Variants in XKR9 observed in about 807,000 individuals in gnomAD.
The protein encoded by XKR9 is XK related 9, also known as XK-related protein 9.
In XKR9, 32 loss-of-function variants were observed where a neutral mutation model predicts 32.0. That is an observed-to-expected ratio of 1.00 (90% CI 0.76 to 1.34). The LOEUF (loss-of-function observed/expected upper bound fraction) is 1.34, where lower values mean the gene tolerates loss of function less well. Among genes scored for constraint, XKR9 ranks in the 40% most tolerant of loss-of-function variants. XKR9 has a pLI of 0.00. For missense variants in XKR9, 546 were observed against 429.7 expected, an observed-to-expected ratio of 1.27 and a Z score of -2.39; for synonymous variants, 168 against 143.4, an observed-to-expected ratio of 1.17 and a Z score of -1.22.
At chr8:70,700,995 G>T (rs1349899847) in intron 3 of XKR9, among the ~76,000 whole-genome samples, 2 of 152,224 alleles carry the variant, frequency 1.3e-5, no homozygotes, top group African/African-American at 2.4e-5. Context: ...CGAGCCAGGT[G>T]TGGGATATAA....
At chr8:70,730,987 C>A (rs1348082365) in intron 4 of XKR9, among the ~76,000 whole-genome samples, 1 of 152,132 alleles carries the variant, frequency 6.6e-6, no homozygotes, top group Non-Finnish European at 1.5e-5. Context: ...GGACACAACA[C>A]AAGATAGAGA....
chr8:70,748,496 G>T (rs1807089510), intron 2 of XKR9, among the ~76,000 whole-genome samples: 1 of 152,250 alleles, frequency 6.6e-6, no homozygotes, highest in Non-Finnish European at 1.5e-5. Flanking sequence ...AAACATGCCA[G>T]CCCCCTGCAA....
chr8:70,842,666 C>T, the XKR9 span, among the ~76,000 whole-genome samples: 1 of 152,134 alleles, frequency 6.6e-6, no homozygotes, highest in African/African-American at 2.4e-5. Context: ...CTCTCATTAT[C>T]ATTAATTTGC....
At chr8:70,888,402 G>A in the XKR9 span, among the ~76,000 whole-genome samples, 1 of 151,646 alleles carries the variant, frequency 6.6e-6, no homozygotes, top group Admixed American at 6.6e-5. Context: ...CATTTTTCAG[G>A]TTGTTTCTTC....
chr8:70,850,269 T>C, the XKR9 span, among the ~76,000 whole-genome samples: 2 of 151,508 alleles, frequency 1.3e-5, no homozygotes, highest in African/African-American at 4.8e-5. Context: ...AGACCATCCT[T>C]GCTAACATGG....
At chr8:70,695,640 G>A (rs1265469667) in intron 3 of XKR9, among the ~76,000 whole-genome samples, 50 of 151,950 alleles carry the variant, frequency 3.3e-4, no homozygotes, top group East Asian at 1.7e-3. Flanking sequence ...ATAAACATAC[G>A]TGTGCATGTG....
the XKR9 span, among the ~76,000 whole-genome samples, chr8:70,812,860 A>G: frequency 6.6e-6 from 1 of 152,224 alleles, no homozygotes; most frequent in Non-Finnish European, 1.5e-5. Context: ...GAAAATGGCC[A>G]TACTGCCCAA....
chr8:70,780,439 T>C (rs1038591526), intron 2 of XKR9, among the ~76,000 whole-genome samples: 7 of 152,140 alleles, frequency 4.6e-5, no homozygotes, highest in Non-Finnish European at 8.8e-5. Context: ...CTCATTATTC[T>C]TTAGTTCAAA....
At chr8:70,793,223 T>G (rs1807786524), downstream of XKR9, among the ~76,000 whole-genome samples, 1 of 152,032 alleles carries the variant, frequency 6.6e-6, no homozygotes, top group Non-Finnish European at 1.5e-5. Flanking sequence ...ATGCTAGGGT[T>G]TGGGTGTTTG....
At chr8:70,731,096 C>T (rs1806648223) in intron 4 of XKR9, among the ~76,000 whole-genome samples, 3 of 152,274 alleles carry the variant, frequency 2.0e-5, no homozygotes, top group South Asian at 4.2e-4. Flanking sequence ...GGCCCTAAAC[C>T]ATCATTGTAT....
chr8:70,696,747 A>G (rs968358960), intron 3 of XKR9, among the ~76,000 whole-genome samples: 4 of 150,884 alleles, frequency 2.7e-5, no homozygotes, highest in African/African-American at 4.9e-5. Flanking sequence ...GATGGGGATG[A>G]CATTGAATCT....
intron 3 of XKR9, among the ~76,000 whole-genome samples, chr8:70,686,208 T>C (rs1174451312): frequency 6.6e-6 from 1 of 151,176 alleles, no homozygotes; most frequent in African/African-American, 2.4e-5. Context: ...CTCCTTTTTT[T>C]ACTCTCAACA....
At chr8:70,726,226 C>T (rs1035419663) in intron 4 of XKR9, among the ~76,000 whole-genome samples, 3 of 152,068 alleles carry the variant, frequency 2.0e-5, no homozygotes, top group African/African-American at 7.2e-5. Flanking sequence ...GACAATGCCC[C>T]AAAGAAATCA....
the XKR9 span, among the ~76,000 whole-genome samples, chr8:70,869,403 C>T: frequency 6.6e-6 from 1 of 152,152 alleles, no homozygotes; most frequent in African/African-American, 2.4e-5. Context: ...ACATGGATAG[C>T]CGCAGGTAGA....
chr8:70,773,771 C>T (rs2130237559), intron 2 of XKR9, among the ~76,000 whole-genome samples: 1 of 152,216 alleles, frequency 6.6e-6, no homozygotes, highest in Non-Finnish European at 1.5e-5. Flanking sequence ...GAATCAAAGT[C>T]CAGGGTGAAT....
chr8:70,699,408 T>C (rs961817172), intron 3 of XKR9, among the ~76,000 whole-genome samples: 21 of 152,212 alleles, frequency 1.4e-4, no homozygotes, highest in African/African-American at 3.1e-4. Context: ...CATTTGCTTG[T>C]CTGTAAAGTA....
the XKR9 span, among the ~76,000 whole-genome samples, chr8:70,900,547 C>T: frequency 4.6e-5 from 7 of 151,744 alleles, no homozygotes; most frequent in African/African-American, 1.7e-4. Context: ...CGAGATCATG[C>T]CACTGTACTC....
At chr8:70,800,962 T>C in the XKR9 span, among the ~76,000 whole-genome samples, 2 of 151,844 alleles carry the variant, frequency 1.3e-5, no homozygotes, top group Non-Finnish European at 2.9e-5. Context: ...GTGTTCATAC[T>C]AGACTCTGAG....
At chr8:70,810,375 G>A in the XKR9 span, among the ~76,000 whole-genome samples, 3 of 152,096 alleles carry the variant, frequency 2.0e-5, no homozygotes, top group Non-Finnish European at 4.4e-5. Context: ...GGAAGAAACT[G>A]CATCAACTAA....
Sources: allele counts gnomAD v4.1 joint callset (sites outside exome capture counted in the v4.1 genomes callset), GRCh38; gene constraint gnomAD v4.1.1; transcripts MANE v1.5; gene names NCBI Gene and HGNC (gene_info 2026-07-23, HGNC 2026-07-21).